MAP1B: variants seen among roughly 807,000 people sequenced by gnomAD.
The protein encoded by MAP1B is microtubule-associated protein 1B.
MAP1B carries 12 observed loss-of-function variants against 176.1 expected under a neutral mutation model. That is an observed-to-expected ratio of 0.07 (90% CI 0.04 to 0.11). The LOEUF (loss-of-function observed/expected upper bound fraction) is 0.11, where lower values mean the gene tolerates loss of function less well. Among genes scored for constraint, MAP1B ranks in the 10% least tolerant of loss-of-function variants. The pLI is 1.00. For synonymous variants in MAP1B, 1,044 were observed against 1,135.0 expected, an observed-to-expected ratio of 0.92 and a Z score of 1.61; for missense variants, 2,523 against 2,990.5, an observed-to-expected ratio of 0.84 and a Z score of 3.65.
chr5:72,164,819 T>C (rs1340837329), intron 2 of MAP1B, among the ~76,000 whole-genome samples: 1 of 152,214 alleles, frequency 6.6e-6, no homozygotes, highest in African/African-American at 2.4e-5. Flanking sequence ...GTGTTTTTAC[T>C]TGCAAGGGTA....
Position 72,198,379 on chromosome 5 carries a change from G to A in MAP1B, c.5024G>A (p.Gly1675Asp). 6.2e-7 allele frequency: 1 copy of A among 1,614,110 alleles called. No homozygotes were observed. Among genetic ancestry groups the A allele is most frequent in the Non-Finnish European group, 8.5e-7 (1 of 1,179,998 alleles). Residue 1675 changes from glycine to aspartate, a missense_variant, in exon 5 of 7, where the codon GGC (glycine) becomes GAC (aspartate). Gly to Asp is a moderately conservative substitution (Grantham distance 94). Around this residue, in one of 4 missense-constraint regions of MAP1B, gnomAD observed 1,925 missense variants for 2,126.0 expected, o/e 0.91. Coordinates refer to ENST00000296755, the MANE Select transcript of MAP1B (RefSeq NM_005909.5). ...QSPDHPTVGA[G>D]VLHITENGPT... ...CCAGATCACCCTACAGTGGGTGCAG[G>A]CGTGCTTCACATCACTGAAAATGGG...
At chr5:72,130,412 T>A (rs1745708772) in intron 2 of MAP1B, among the ~76,000 whole-genome samples, 2 of 152,206 alleles carry the variant, frequency 1.3e-5, no homozygotes, top group South Asian at 4.1e-4. Flanking sequence ...GCCAGGCATG[T>A]GGGCTTAGTA....
chr5:72,144,437 A>T lies in MAP1B; in HGVS notation c.286+28638A>T, dbSNP rs1283037500. On this transcript the variant is annotated intron_variant, in intron 2 of 6. Coordinates refer to ENST00000296755, the MANE Select transcript of MAP1B (RefSeq NM_005909.5). ...TAAATTTTAAGTTTTCTTTTCAGAG[A>T]CAGGATGGTGCAGGGATGCGATCAT... is the stretch of plus-strand genomic sequence containing the variant. Among the ~76,000 whole-genome samples the T allele has an allele frequency of 5.3e-5, 8 of 152,170 alleles. No homozygotes were observed. The East Asian group carries it at 1.2e-3, about 22-fold the overall frequency.
chr5:72,155,360 C>T (rs1746209567), intron 2 of MAP1B, among the ~76,000 whole-genome samples: 1 of 152,156 alleles, frequency 6.6e-6, no homozygotes, highest in African/African-American at 2.4e-5. Context: ...TTAATAAAAA[C>T]AGTAATTGAG....
Position 72,198,902 on chromosome 5 carries a change from A to T in MAP1B, c.5547A>T (p.Arg1849Ser). The T allele has an allele frequency of 1.9e-6, 3 of 1,614,196 alleles. No homozygotes were observed. The highest frequency in any genetic ancestry group is 2.5e-6 in the Non-Finnish European group (3 of 1,180,040). ...TGCAACACCATCTAGCCTTGAATAG[A>T]GATTTGTCCACACCTGGCCTGGAGA... ...DTMQHHLALN[R>S]DLSTPGLEKD... is the part of the protein sequence containing the mutation. Residue 1849 changes from arginine to serine, a missense_variant, in exon 5 of 7, where the codon AGA (arginine) becomes AGT (serine). By Grantham distance (110) the Arg-to-Ser change is moderately radical. Transcript: ENST00000296755.
intron 2 of MAP1B, among the ~76,000 whole-genome samples, chr5:72,131,781 C>A (rs1745738764): frequency 6.6e-6 from 1 of 152,204 alleles, no homozygotes; most frequent in African/African-American, 2.4e-5. Flanking sequence ...ATACCTTCCT[C>A]CCAGTGTCTT....
At chr5:72,137,081 A>C (rs1745852678) in intron 2 of MAP1B, among the ~76,000 whole-genome samples, 1 of 152,210 alleles carries the variant, frequency 6.6e-6, no homozygotes, top group African/African-American at 2.4e-5. Flanking sequence ...TGTTTATGTC[A>C]GAACTGTAGG....
intron 2 of MAP1B, among the ~76,000 whole-genome samples, chr5:72,138,595 A>G (rs1745880306): frequency 6.6e-6 from 1 of 152,186 alleles, no homozygotes; most frequent in Non-Finnish European, 1.5e-5. Flanking sequence ...TTATTTCTCT[A>G]TGTGAAAAAC....
At chr5:72,140,553 A>G (rs1043969122) in intron 2 of MAP1B, among the ~76,000 whole-genome samples, 22 of 152,244 alleles carry the variant, frequency 1.4e-4, no homozygotes, top group African/African-American at 5.3e-4. Flanking sequence ...ACTATTAAGT[A>G]TCACTCATAA....
chr5:72,185,148 AG>A (rs1216221811), intron 3 of MAP1B, among the ~76,000 whole-genome samples: 1 of 152,212 alleles, frequency 6.6e-6, no homozygotes, highest in African/African-American at 2.4e-5. Flanking sequence ...ATTCGTTTCC[AG>A]GCTGAACAGT....
chr5:72,178,735 T>TGTGTGA (rs138947718), intron 2 of MAP1B, among the ~76,000 whole-genome samples: 2 of 150,058 alleles, frequency 1.3e-5, no homozygotes, highest in African/African-American at 4.9e-5. Context: ...GGTGTGTGTG[T>TGTGTGA]GTGTGTGTGT....
In MAP1B at chr5:72,199,739, A is replaced by G; in HGVS notation, c.6384A>G (p.Gly2128=). 7 of 1,614,020 alleles carry G rather than the reference A, an allele frequency of 4.3e-6. No homozygotes were observed. Among genetic ancestry groups the G allele is most frequent in the Non-Finnish European group, 5.9e-6 (7 of 1,179,986 alleles). Reference sequence around the variant, plus strand: ...AAAAGCCCCTCACTCAATCAGGGGGAGCCCCACCGCCTCCAGGAGGAAAGC... The same window carrying G: ...AAAAGCCCCTCACTCAATCAGGGGGGGCCCCACCGCCTCCAGGAGGAAAGC... The part of the protein sequence containing the change: ...ESEKPLTQSG[G]APPPPGGKQQ... The change falls in exon 5 of 7, where the codon GGA becomes GGG. Residue 2128 remains glycine (G), a synonymous_variant. Coordinates refer to ENST00000296755, the MANE Select transcript of MAP1B (RefSeq NM_005909.5). The surrounding 1 kb of genome is among the most constrained non-coding windows in gnomAD (Gnocchi z 4.2).
At chr5:72,110,923 A>G (rs760135224) in intron 1 of MAP1B, among the ~76,000 whole-genome samples, 2 of 152,184 alleles carry the variant, frequency 1.3e-5, no homozygotes, top group Non-Finnish European at 2.9e-5. Context: ...GGGAAGAGAG[A>G]TGGTCCCTCT....
intron 2 of MAP1B, among the ~76,000 whole-genome samples, chr5:72,125,522 C>T: frequency 6.6e-6 from 1 of 152,242 alleles, no homozygotes; most frequent in East Asian, 1.9e-4. Context: ...GCTCTGCAGG[C>T]CATAAGAAGA....
chr5:72,124,244 A>G (rs1216288430), intron 2 of MAP1B, among the ~76,000 whole-genome samples: 2 of 152,174 alleles, frequency 1.3e-5, no homozygotes, highest in Non-Finnish European at 2.9e-5. Flanking sequence ...TTGCATGTGA[A>G]GTCAGATTTC....
At chr5:72,114,557 C>T (rs1174669973) in intron 1 of MAP1B, among the ~76,000 whole-genome samples, 1 of 152,238 alleles carries the variant, frequency 6.6e-6, no homozygotes. Flanking sequence ...ATGGATACCA[C>T]ACACTGGCTC....
intron 2 of MAP1B, among the ~76,000 whole-genome samples, chr5:72,171,022 T>C (rs1409573891): frequency 6.6e-6 from 1 of 152,182 alleles, no homozygotes; most frequent in Non-Finnish European, 1.5e-5. Flanking sequence ...TTTATGTTCA[T>C]GTAGCTTATC....
At position 72,205,078 on chromosome 5, in the gene MAP1B, C is replaced by G. The variant is rs369811837; in HGVS notation, c.7252-6C>G. On this transcript the variant is annotated splice_region_variant and splice_polypyrimidine_tract_variant and intron_variant, in intron 6 of 6. Coordinates refer to ENST00000296755, the MANE Select transcript of MAP1B (RefSeq NM_005909.5). ...AAATAGCTATTTTTTTTTTCTCTCC[C>G]TGCAGGTGACACTGATCCCAACTCA... The G allele has an allele frequency of 6.3e-7, 1 of 1,593,412 alleles. No individual in the cohort carries two copies. Among genetic ancestry groups the G allele is most frequent in the Non-Finnish European group, 8.5e-7 (1 of 1,173,914 alleles).
chr5:72,183,720 T>G (rs1561309621), intron 2 of MAP1B, 23 bp from the exon 3 acceptor site: 4 of 1,603,498 alleles, frequency 2.5e-6, no homozygotes, highest in Non-Finnish European at 3.4e-6. Context: ...TCTCCTCTTT[T>G]GTTTGTGTTT....
Sources: allele counts gnomAD v4.1 joint callset (sites outside exome capture counted in the v4.1 genomes callset), GRCh38; gene constraint gnomAD v4.1.1; regional missense constraint gnomAD v4.1.1; non-coding constraint Gnocchi (gnomAD v3.1); transcripts MANE v1.5; gene names NCBI Gene and HGNC (gene_info 2026-07-23, HGNC 2026-07-21).